The following TSPAN8 variants were observed in gnomAD, a reference collection of about 807,000 sequenced individuals.
TSPAN8 encodes the protein tetraspanin 8, also known as tetraspanin-8.
Under a neutral mutation model 32.8 loss-of-function variants are expected in TSPAN8, and 21 were observed. The ratio of observed to expected loss-of-function variants is 0.64; its 90% CI spans 0.45 to 0.92. The LOEUF (loss-of-function observed/expected upper bound fraction) is 0.92. Among genes scored for constraint, TSPAN8 ranks in the 40% least tolerant of loss-of-function variants. The probability of loss-of-function intolerance (pLI) is 0.00; values close to 1 mark genes in which losing one functional copy is unlikely to be tolerated. For synonymous variants in TSPAN8, 95 were observed against 94.6 expected (o/e 1.00, Z -0.03); for missense variants, 269 against 281.9 (o/e 0.95, Z 0.33).
At chr12:71,140,068 G>T (rs1451306192) in intron 3 of TSPAN8, among the ~76,000 whole-genome samples, 4 of 125,040 alleles carry the variant, frequency 3.2e-5, no homozygotes, top group African/African-American at 6.2e-5. Flanking sequence ...AAGCTGGGTG[G>T]AAGAAATGTA....
chr12:71,135,684 C>T (rs1871674699), intron 6 of TSPAN8, among the ~76,000 whole-genome samples: 1 of 152,128 alleles, frequency 6.6e-6, no homozygotes, highest in East Asian at 1.9e-4. Context: ...CAACAAACAG[C>T]ACATTTAGAA....
chr12:71,132,245 T>C (rs1487569173), intron 7 of TSPAN8, among the ~76,000 whole-genome samples: 2 of 152,144 alleles, frequency 1.3e-5, no homozygotes, highest in Non-Finnish European at 2.9e-5. Context: ...GGACTTGGAG[T>C]CCTTTCTTTA....
chr12:71,150,420 C>T (rs540260724), intron 2 of TSPAN8, among the ~76,000 whole-genome samples: 103 of 152,170 alleles, frequency 6.8e-4, no homozygotes, highest in African/African-American at 2.4e-3. Flanking sequence ...ATCTTGTGAC[C>T]TACTCCCTGT....
At chr12:71,128,447 C>T (rs1409974848) in intron 8 of TSPAN8, among the ~76,000 whole-genome samples, 2 of 152,226 alleles carry the variant, frequency 1.3e-5, no homozygotes, top group South Asian at 2.1e-4. Flanking sequence ...CTGAGCTAAC[C>T]AGCTCTCACA....
intron 2 of TSPAN8, among the ~76,000 whole-genome samples, chr12:71,153,130 G>A (rs966668795): frequency 3.3e-5 from 5 of 151,924 alleles, no homozygotes; most frequent in Non-Finnish European, 7.4e-5. Context: ...CTGCATCCAC[G>A]AGCCAAAGGC....
At chr12:71,144,002 T>A (rs1479492680) in intron 3 of TSPAN8, 149 bp downstream of exon 3, 2 of 634,122 alleles carry the variant, frequency 3.2e-6, no homozygotes, top group African/African-American at 3.7e-5. Context: ...TGAACTGAAT[T>A]ATAAAATCAC....
Position 71,157,647 on chromosome 12 carries a change from GA to G in TSPAN8, c.31del (p.Ser11LeufsTer15). On this transcript the variant is annotated frameshift_variant, in exon 2 of 9. Coordinates refer to ENST00000247829, the MANE Select transcript of TSPAN8 (RefSeq NM_004616.3). LOFTEE classifies it high-confidence loss of function. ...GAACAAGAAGTTGAAGGTAAACATA[GA>G]ATATTTTATACAGGCACTCACACCT... MAGVSACIKY[S>X]MFTFNFLFWL... 2 of 1,613,490 alleles carry G rather than the reference GA, an allele frequency of 1.2e-6. No individual in the cohort carries two copies. The highest frequency in any genetic ancestry group is 1.7e-6 in the Non-Finnish European group (2 of 1,179,532).
intron 2 of TSPAN8, among the ~76,000 whole-genome samples, chr12:71,156,250 CAA>C (rs763217771): frequency 8.2e-5 from 2 of 24,372 alleles, no homozygotes; most frequent in Non-Finnish European, 1.4e-4. Context: ...CAAAGTTCTC[CAA>C]AAAAAAAAAA....
chr12:71,140,155 A>G (rs1255735380), intron 3 of TSPAN8, among the ~76,000 whole-genome samples: 1 of 152,222 alleles, frequency 6.6e-6, no homozygotes, highest in East Asian at 1.9e-4. Flanking sequence ...TTTGGTTCAC[A>G]TATTTTGTGT....
intron 2 of TSPAN8, among the ~76,000 whole-genome samples, chr12:71,156,268 A>AAAAAAAAAAAAAAAAAAG (rs1872432112): frequency 1.8e-5 from 1 of 55,732 alleles, no homozygotes; most frequent in African/African-American, 6.2e-5. Flanking sequence ...AAAAAAAAAA[A>AAAAAAAAAAAAAAAAAAG]CAAACAAAAA....
intron 2 of TSPAN8, among the ~76,000 whole-genome samples, chr12:71,148,067 A>T (rs895428970): frequency 1.3e-5 from 2 of 152,198 alleles, no homozygotes; most frequent in Admixed American, 1.3e-4. Flanking sequence ...TTTCTATTAC[A>T]TCTCTTTCCA....
intron 2 of TSPAN8, among the ~76,000 whole-genome samples, chr12:71,154,440 AG>A (rs1335722274): frequency 1.3e-5 from 2 of 151,776 alleles, no homozygotes; most frequent in Non-Finnish European, 2.9e-5. Context: ...CTATCAAGGT[AG>A]GTAGGTAAAT....
chr12:71,152,470 C>T (rs1184587294), intron 2 of TSPAN8, among the ~76,000 whole-genome samples: 3 of 152,078 alleles, frequency 2.0e-5, no homozygotes, highest in Middle Eastern at 3.4e-3. Flanking sequence ...TAGTTAATTC[C>T]TACTTCTTTA....
chr12:71,151,274 G>A lies in TSPAN8; in HGVS notation c.60+6345C>T, dbSNP rs185494900. The stretch of plus-strand genomic sequence containing the variant: ...GAGATGGGGTTTCACCGTGTTAGCC[G>A]GGATGGTCTCGATCTCCTGACCTTG... On this transcript the variant is annotated intron_variant, in intron 2 of 8. Transcript: ENST00000247829. 1.2e-3 allele frequency among the ~76,000 whole-genome samples: 186 copies of A among 151,980 alleles called. 1 individual carries two copies. The highest frequency in any genetic ancestry group is 3.9e-3 in the African/African-American group (163 of 41,454).
At chr12:71,128,593 T>G (rs1871415268) in intron 8 of TSPAN8, among the ~76,000 whole-genome samples, 1 of 152,000 alleles carries the variant, frequency 6.6e-6, no homozygotes, top group Non-Finnish European at 1.5e-5. Context: ...CAGTTTTAAT[T>G]CATTTTCTTG....
intron 4 of TSPAN8, 100 bp downstream of exon 4, chr12:71,139,611 T>A (rs1043950075): frequency 1.4e-6 from 2 of 1,431,838 alleles, no homozygotes; most frequent in Admixed American, 2.2e-5. Context: ...GGAGTTAGAG[T>A]TTCATCAATC....
At chr12:71,138,897 A>G (rs1009556499) in intron 4 of TSPAN8, among the ~76,000 whole-genome samples, 28 of 151,726 alleles carry the variant, frequency 1.8e-4, no homozygotes, top group East Asian at 1.9e-4. Flanking sequence ...TCCTTACTTT[A>G]TTAGAGGAAT....
intron 3 of TSPAN8, among the ~76,000 whole-genome samples, chr12:71,143,014 T>A (rs1871953913): frequency 6.6e-6 from 1 of 152,104 alleles, no homozygotes; most frequent in Admixed American, 6.6e-5. Context: ...TAGTAGAAAA[T>A]GCATTGTCTT....
intron 2 of TSPAN8, among the ~76,000 whole-genome samples, chr12:71,153,105 C>G (rs1418638149): frequency 1.3e-5 from 2 of 152,130 alleles, no homozygotes; most frequent in Non-Finnish European, 2.9e-5. Context: ...CTCTCTGTCT[C>G]TGGTCATTAT....
Sources: gnomAD v4.1 joint callset for allele counts (sites outside exome capture counted in the v4.1 genomes callset) on GRCh38, gnomAD v4.1.1 for gene constraint, MANE v1.5 for transcripts, NCBI Gene and HGNC (gene_info 2026-07-23, HGNC 2026-07-21) for gene names.